The following SCLT1 variants were observed in gnomAD, a reference collection of about 807,000 sequenced individuals.
The protein encoded by SCLT1 is sodium channel and clathrin linker 1.
In SCLT1, 78 loss-of-function variants were observed where a neutral mutation model predicts 112.8. The ratio of observed to expected loss-of-function variants is 0.69; its 90% confidence interval spans 0.58 to 0.83. The LOEUF is 0.83. SCLT1 is among the 40% of genes least tolerant of loss of function. The pLI, the probability that SCLT1 is intolerant of heterozygous loss-of-function variation, is 0.00. For synonymous variants in SCLT1, 257 were observed against 254.7 expected (o/e 1.01, Z -0.09); for missense variants, 747 against 770.4 (o/e 0.97, Z 0.36).
intron 3 of SCLT1, 94 bp downstream of exon 3, chr4:129,043,899 C>G (rs1747937312): frequency 1.4e-6 from 1 of 691,778 alleles, no homozygotes; most frequent in East Asian, 2.9e-5. Context: ...AGTTTAATAA[C>G]AGCAGACCAT....
At chr4:129,008,561 TTC>T (rs1258610916) in intron 5 of SCLT1, among the ~76,000 whole-genome samples, 1 of 152,220 alleles carries the variant, frequency 6.6e-6, no homozygotes, top group African/African-American at 2.4e-5. Flanking sequence ...CAAATATTAT[TTC>T]TGTCTTTCCT....
At chr4:128,969,134 T>A (rs1740454252) in intron 10 of SCLT1, among the ~76,000 whole-genome samples, 1 of 152,210 alleles carries the variant, frequency 6.6e-6, no homozygotes, top group African/African-American at 2.4e-5. Flanking sequence ...TCTGCCTGCT[T>A]CTTCACTGGC....
At chr4:128,955,470 T>C (rs1324801191) in intron 13 of SCLT1, among the ~76,000 whole-genome samples, 2 of 152,236 alleles carry the variant, frequency 1.3e-5, no homozygotes, top group African/African-American at 2.4e-5. Flanking sequence ...AGTATTTTCA[T>C]ATTTTAAAGA....
At chr4:129,041,195 T>TTCTGTTGC (rs1257540959) in intron 4 of SCLT1, among the ~76,000 whole-genome samples, 1 of 152,170 alleles carries the variant, frequency 6.6e-6, no homozygotes. Context: ...AAAGAGAGCT[T>TTCTGTTGC]TCTGTTGCTC....
At chr4:129,074,538 A>G (rs1751294147) in intron 2 of SCLT1, among the ~76,000 whole-genome samples, 1 of 152,186 alleles carries the variant, frequency 6.6e-6, no homozygotes, top group South Asian at 2.1e-4. Context: ...AGAAAAAATC[A>G]TGCTTAGAGA....
At chr4:129,088,354 G>A (rs1752569932) in intron 1 of SCLT1, among the ~76,000 whole-genome samples, 2 of 152,042 alleles carry the variant, frequency 1.3e-5, no homozygotes, top group African/African-American at 4.8e-5. Context: ...AGCAAATTAA[G>A]AATAGAAAGG....
chr4:128,885,414 T>A (rs1324986816), intron 20 of SCLT1, among the ~76,000 whole-genome samples: 1 of 152,232 alleles, frequency 6.6e-6, no homozygotes, highest in East Asian at 1.9e-4. Context: ...TTCATTCCTT[T>A]AATTTAAAAA....
chr4:128,995,319 A>G (rs983245730), intron 8 of SCLT1, among the ~76,000 whole-genome samples: 1 of 151,942 alleles, frequency 6.6e-6, no homozygotes. Context: ...CTACTTTTTA[A>G]TATTTTTTCT....
At chr4:128,995,582 G>C (rs1027738071) in intron 8 of SCLT1, among the ~76,000 whole-genome samples, 4 of 152,092 alleles carry the variant, frequency 2.6e-5, no homozygotes, top group Non-Finnish European at 5.9e-5. Flanking sequence ...TGTCATACAA[G>C]AGAAGACCCC....
chr4:129,074,648 G>GA (rs1435323636), intron 2 of SCLT1, among the ~76,000 whole-genome samples: 1 of 152,064 alleles, frequency 6.6e-6, no homozygotes, highest in African/African-American at 2.4e-5. Context: ...ATAATTTAAA[G>GA]AATTGTGTAT....
intron 9 of SCLT1, among the ~76,000 whole-genome samples, chr4:128,976,445 A>G (rs956462365): frequency 6.6e-6 from 1 of 152,212 alleles, no homozygotes; most frequent in African/African-American, 2.4e-5. Flanking sequence ...ATTATTGATC[A>G]GACTATTCAA....
At chr4:129,081,051 C>T (rs1751891472) in intron 2 of SCLT1, among the ~76,000 whole-genome samples, 2 of 152,126 alleles carry the variant, frequency 1.3e-5, no homozygotes, top group African/African-American at 4.8e-5. Flanking sequence ...ATAACACTCC[C>T]TTGAAGCAGT....
intron 2 of SCLT1, among the ~76,000 whole-genome samples, chr4:129,058,136 T>C (rs906325003): frequency 2.0e-5 from 3 of 152,210 alleles, no homozygotes. Flanking sequence ...CTTGGTTATT[T>C]TGCCATGGTT....
In SCLT1 at chr4:129,040,206, G is replaced by A. The variant is rs1013184751; in HGVS notation, c.235-1110C>T. Reference sequence around the variant, plus strand: ...AAAGGTGAACTTTTCCAAGGTCCTCGTTATGCCTGAAACACAATTAAACCA... The same window carrying A: ...AAAGGTGAACTTTTCCAAGGTCCTCATTATGCCTGAAACACAATTAAACCA... On this transcript the variant is annotated intron_variant, in intron 4 of 20. Transcript: ENST00000281142. 23 of 702,486 alleles carry A rather than the reference G, an allele frequency of 3.3e-5. No homozygotes were observed. The Middle Eastern group carries it at 1.1e-3, about 35-fold the overall frequency. 43.5% of individuals were successfully genotyped at this position (702,486 alleles called of 1,614,324 possible).
At chr4:129,065,951 T>C (rs1224340539) in intron 2 of SCLT1, among the ~76,000 whole-genome samples, 1 of 152,020 alleles carries the variant, frequency 6.6e-6, no homozygotes, top group Non-Finnish European at 1.5e-5. Flanking sequence ...ATATGCAAAC[T>C]TGATATAGAT....
At chr4:128,889,408 A>T (rs2125922482) in intron 19 of SCLT1, among the ~76,000 whole-genome samples, 1 of 152,340 alleles carries the variant, frequency 6.6e-6, no homozygotes, top group South Asian at 2.1e-4. Context: ...ACACAGAGAG[A>T]ACACAATCTA....
At chr4:128,887,967 G>T (rs1235636674) in intron 20 of SCLT1, among the ~76,000 whole-genome samples, 3 of 152,046 alleles carry the variant, frequency 2.0e-5, no homozygotes, top group African/African-American at 4.8e-5. Context: ...TCTCTGCCTG[G>T]TTTTAGATAG....
At chr4:128,917,216 G>A (rs1372066561) in intron 18 of SCLT1, among the ~76,000 whole-genome samples, 1 of 152,042 alleles carries the variant, frequency 6.6e-6, no homozygotes, top group East Asian at 1.9e-4. Context: ...GGTGTGCTGT[G>A]TTTGTCCAGG....
chr4:128,909,259 T>TC (rs1245638746), intron 18 of SCLT1, among the ~76,000 whole-genome samples: 1 of 152,300 alleles, frequency 6.6e-6, no homozygotes, highest in Admixed American at 6.5e-5. Flanking sequence ...AAATTTTCTT[T>TC]CTTTTTTTAC....
Sources: gnomAD v4.1 joint callset for allele counts (sites outside exome capture counted in the v4.1 genomes callset) on GRCh38, gnomAD v4.1.1 for gene constraint, MANE v1.5 for transcripts, NCBI Gene and HGNC (gene_info 2026-07-23, HGNC 2026-07-21) for gene names.